The following CSMD1 variants were observed in gnomAD, a reference collection of about 807,000 sequenced individuals.
The protein encoded by CSMD1 is CUB and sushi domain-containing protein 1.
A neutral mutation model predicts 417.5 loss-of-function variants in CSMD1; 213 were observed. The ratio of observed to expected loss-of-function variants is 0.51; its 90% CI spans 0.46 to 0.57. The LOEUF is 0.57. CSMD1 is among the 20% of genes least tolerant of loss of function. The probability of loss-of-function intolerance (pLI) is 0.00; values close to 1 mark genes in which losing one functional copy is unlikely to be tolerated. For synonymous variants in CSMD1, 2,862 were observed against 1,736.8 expected, an observed-to-expected ratio of 1.65 and a Z score of -16.11; for missense variants, 6,923 against 4,529.7, an observed-to-expected ratio of 1.53 and a Z score of -15.17.
At chr8:4,401,816 T>A (rs187036534) in intron 3 of CSMD1, among the ~76,000 whole-genome samples, 1 of 152,204 alleles carries the variant, frequency 6.6e-6, no homozygotes, top group Non-Finnish European at 1.5e-5. Context: ...CACCCCTCCG[T>A]TCCCTGGGAT....
chr8:3,402,160 C>G (rs998849303), intron 15 of CSMD1, among the ~76,000 whole-genome samples: 3 of 152,154 alleles, frequency 2.0e-5, no homozygotes, highest in Admixed American at 6.5e-5. Context: ...TCTCCATTAT[C>G]TGTGATAGTG....
At chr8:3,348,947 T>C (rs893630788) in intron 21 of CSMD1, among the ~76,000 whole-genome samples, 2 of 152,124 alleles carry the variant, frequency 1.3e-5, no homozygotes, top group South Asian at 2.1e-4. Flanking sequence ...AAACTCTAAG[T>C]CCAATACGAT....
chr8:3,155,488 C>T lies in CSMD1; in HGVS notation c.5914+2409G>A, dbSNP rs1819468855. 1.3e-5 allele frequency among the ~76,000 whole-genome samples: 2 copies of T among 150,472 alleles called. 1 individual carries two copies. The highest frequency in any genetic ancestry group is 1.3e-4 in the Admixed American group (2 of 15,056). On this transcript the variant is annotated intron_variant, in intron 39 of 69. Coordinates refer to ENST00000635120, the MANE Select transcript of CSMD1 (RefSeq NM_033225.6). ...GTTCACGCCATTCTCCTGCCTCAGCCTCCCGAGTAGCTGAGACTACAGATG... is the reference window on the plus strand; with the variant it reads ...GTTCACGCCATTCTCCTGCCTCAGCTTCCCGAGTAGCTGAGACTACAGATG...
chr8:4,202,433 G>A (rs772254236), intron 3 of CSMD1, among the ~76,000 whole-genome samples: 4 of 152,174 alleles, frequency 2.6e-5, no homozygotes, highest in Admixed American at 1.3e-4. Context: ...TGTAGAGGTC[G>A]TGGAAATGTA....
At chr8:3,376,849 T>C (rs935063883) in intron 18 of CSMD1, among the ~76,000 whole-genome samples, 14 of 152,208 alleles carry the variant, frequency 9.2e-5, no homozygotes, top group South Asian at 4.1e-4. Flanking sequence ...ATCCTACTTA[T>C]GTAACTTTTG....
intron 21 of CSMD1, among the ~76,000 whole-genome samples, chr8:3,355,912 G>A (rs967793792): frequency 3.3e-5 from 5 of 152,110 alleles, no homozygotes; most frequent in South Asian, 2.1e-4. Flanking sequence ...GAGCATTGAG[G>A]TTGAATACCC....
At position 4,068,311 on chromosome 8, in the gene CSMD1, G is replaced by C. The variant is rs769500005; in HGVS notation, c.416-36212C>G. Among the ~76,000 whole-genome samples, 2 of 152,270 alleles carry C rather than the reference G, an allele frequency of 1.3e-5. 1 individual carries two copies. The highest frequency in any genetic ancestry group is 4.2e-4 in the South Asian group (2 of 4,818). ...TGTAGCTGGAGGACAGTGTATTGCG[G>C]GAGAGCTGTGAGGCCAGCATGAGAG... On this transcript the variant is annotated intron_variant, in intron 3 of 69. Transcript: ENST00000635120.
intron 5 of CSMD1, among the ~76,000 whole-genome samples, chr8:3,760,430 C>A (rs78966352): frequency 7.2e-4 from 109 of 152,314 alleles, no homozygotes; most frequent in African/African-American, 2.5e-3. Flanking sequence ...TTAAATAGAA[C>A]AGGCCAGTCT....
intron 2 of CSMD1, among the ~76,000 whole-genome samples, chr8:4,505,119 C>A (rs1311077352): frequency 1.3e-5 from 2 of 152,190 alleles, no homozygotes; most frequent in Admixed American, 1.3e-4. Flanking sequence ...AGCACAAATC[C>A]AAAAACAGAA....
intron 1 of CSMD1, among the ~76,000 whole-genome samples, chr8:4,721,698 C>G (rs1809064187): frequency 6.6e-6 from 1 of 152,270 alleles, no homozygotes; most frequent in East Asian, 1.9e-4. Flanking sequence ...AGCAATCCCC[C>G]TGTTGTATCT....
intron 5 of CSMD1, among the ~76,000 whole-genome samples, chr8:3,763,210 G>C (rs928754928): frequency 3.9e-5 from 6 of 152,138 alleles, no homozygotes; most frequent in African/African-American, 1.4e-4. Context: ...AAGTAGAAAT[G>C]ACTATATGAA....
chr8:3,620,734 T>G lies in CSMD1; in HGVS notation c.1010-3937A>C, dbSNP rs1802383023. 2.6e-5 allele frequency among the ~76,000 whole-genome samples: 4 copies of G among 152,076 alleles called. No individual in the cohort carries two copies. The South Asian group carries it at 8.3e-4, about 32-fold the overall frequency. On this transcript the variant is annotated intron_variant, in intron 7 of 69. Coordinates refer to ENST00000635120, the MANE Select transcript of CSMD1 (RefSeq NM_033225.6). ...ATCAACTAAACATAGAGGATAACAG[T>G]AATGGGACAAAGGAGGGACAAAAAT... is the stretch of plus-strand genomic sequence containing the variant.
intron 7 of CSMD1, among the ~76,000 whole-genome samples, chr8:3,640,456 A>G (rs1019914509): frequency 6.6e-6 from 1 of 152,324 alleles, no homozygotes; most frequent in African/African-American, 2.4e-5. Flanking sequence ...CTCCTTCCTC[A>G]ACTCTGGAAA....
intron 3 of CSMD1, among the ~76,000 whole-genome samples, chr8:4,198,855 A>G (rs930071821): frequency 4.6e-5 from 7 of 152,176 alleles, no homozygotes; most frequent in South Asian, 2.1e-4. Flanking sequence ...ACAGCGCAAC[A>G]ATATCACGTA....
chr8:3,207,769 C>T (rs189505766), intron 30 of CSMD1, among the ~76,000 whole-genome samples: 6 of 152,286 alleles, frequency 3.9e-5, no homozygotes, highest in Non-Finnish European at 8.8e-5. Context: ...CTTAAATAAG[C>T]TCAGCCTTCA....
At chr8:3,141,582 A>T (rs1818482600) in intron 41 of CSMD1, among the ~76,000 whole-genome samples, 1 of 152,134 alleles carries the variant, frequency 6.6e-6, no homozygotes, top group African/African-American at 2.4e-5. Flanking sequence ...TCACATCACT[A>T]TTGTAAAACC....
At chr8:3,079,332 C>T (rs541548859) in intron 49 of CSMD1, among the ~76,000 whole-genome samples, 1 of 152,090 alleles carries the variant, frequency 6.6e-6, no homozygotes, top group East Asian at 1.9e-4. Context: ...TAAAGAGAGA[C>T]ACAAGCATAC....
At chr8:4,075,216 C>G (rs1407404044) in intron 3 of CSMD1, among the ~76,000 whole-genome samples, 1 of 151,982 alleles carries the variant, frequency 6.6e-6, no homozygotes, top group African/African-American at 2.4e-5. Context: ...ATATTTCATT[C>G]TAGTATGTGC....
intron 3 of CSMD1, among the ~76,000 whole-genome samples, chr8:4,128,650 T>C (rs368083496): frequency 2.9e-4 from 44 of 152,256 alleles, no homozygotes; most frequent in African/African-American, 1.0e-3. Context: ...GCTCTCCACA[T>C]GGAAATATGT....
Sources: gnomAD v4.1 joint callset for allele counts (sites outside exome capture counted in the v4.1 genomes callset) on GRCh38, gnomAD v4.1.1 for gene constraint, MANE v1.5 for transcripts, NCBI Gene and HGNC (gene_info 2026-07-23, HGNC 2026-07-21) for gene names.